LRMDA: variants seen among roughly 807,000 people sequenced by gnomAD.
LRMDA encodes leucine rich melanocyte differentiation associated, also known as leucine-rich melanocyte differentiation-associated protein.
Under a neutral mutation model 29.8 loss-of-function variants are expected in LRMDA, and 18 were observed. The ratio of observed to expected loss-of-function variants is 0.60; its 90% CI spans 0.42 to 0.90. The LOEUF is 0.90. Ranked by LOEUF, LRMDA falls within the 40% of genes least tolerant of loss-of-function variation. LRMDA has a pLI of 0.00. For missense variants in LRMDA, 273 were observed against 273.9 expected (o/e 1.00, Z 0.02); for synonymous variants, 125 against 109.4 (o/e 1.14, Z -0.89).
chr10:76,330,468 C>T (rs921426216), intron 6 of LRMDA, among the ~76,000 whole-genome samples: 8 of 152,154 alleles, frequency 5.3e-5, no homozygotes, highest in African/African-American at 1.9e-4. Context: ...GGACAGAACC[C>T]TCTGAAATGA....
chr10:76,410,763 G>T (rs1841952292), intron 6 of LRMDA, among the ~76,000 whole-genome samples: 3 of 152,170 alleles, frequency 2.0e-5, no homozygotes, highest in African/African-American at 7.2e-5. Context: ...AGACCAGCCT[G>T]GCCAACATGG....
chr10:75,972,086 C>A (rs940135168), intron 2 of LRMDA, among the ~76,000 whole-genome samples: 1 of 152,144 alleles, frequency 6.6e-6, no homozygotes, highest in Non-Finnish European at 1.5e-5. Context: ...TTGGATGTAT[C>A]GCTTCAGCTG....
At chr10:75,767,598 G>A (rs1355085649) in intron 2 of LRMDA, among the ~76,000 whole-genome samples, 8 of 152,114 alleles carry the variant, frequency 5.3e-5, no homozygotes, top group African/African-American at 1.9e-4. Context: ...ATCTGCTAAT[G>A]TAAATTATGC....
chr10:75,910,670 G>A (rs968725865), intron 2 of LRMDA, among the ~76,000 whole-genome samples: 1 of 152,150 alleles, frequency 6.6e-6, no homozygotes, highest in Non-Finnish European at 1.5e-5. Flanking sequence ...GATGTCAGCT[G>A]GGAGCAAAGC....
chr10:76,525,829 T>C (rs189145902), intron 6 of LRMDA, among the ~76,000 whole-genome samples: 6 of 152,310 alleles, frequency 3.9e-5, no homozygotes, highest in African/African-American at 1.4e-4. Context: ...TGTTAGTATG[T>C]AGCAATTCCA....
intron 2 of LRMDA, among the ~76,000 whole-genome samples, chr10:75,609,809 C>A (rs561247184): frequency 6.6e-6 from 1 of 152,208 alleles, no homozygotes; most frequent in East Asian, 1.9e-4. Context: ...TCCACAGTCA[C>A]CCTTTTTGCC....
At chr10:75,611,573 T>C (rs1841032508) in intron 2 of LRMDA, among the ~76,000 whole-genome samples, 1 of 152,140 alleles carries the variant, frequency 6.6e-6, no homozygotes, top group Non-Finnish European at 1.5e-5. Flanking sequence ...ACTTCCTGTC[T>C]CTGTGAGTTT....
intron 5 of LRMDA, among the ~76,000 whole-genome samples, chr10:76,286,646 C>T (rs999802718): frequency 6.6e-6 from 1 of 152,136 alleles, no homozygotes; most frequent in Non-Finnish European, 1.5e-5. Context: ...CCTAGGAAAG[C>T]TTCAAAGATT....
chr10:76,118,653 C>T (rs571494630), intron 5 of LRMDA, among the ~76,000 whole-genome samples: 1 of 152,158 alleles, frequency 6.6e-6, no homozygotes, highest in Admixed American at 6.5e-5. Context: ...GAAGACCATT[C>T]TGTGGCCCCA....
chr10:76,202,490 C>T (rs757463212), intron 5 of LRMDA, among the ~76,000 whole-genome samples: 1 of 152,004 alleles, frequency 6.6e-6, no homozygotes, highest in Non-Finnish European at 1.5e-5. Flanking sequence ...TTTAGAAATG[C>T]ATGCATTTAT....
At chr10:75,732,006 G>A (rs1842705217) in intron 2 of LRMDA, among the ~76,000 whole-genome samples, 1 of 152,044 alleles carries the variant, frequency 6.6e-6, no homozygotes, top group Non-Finnish European at 1.5e-5. Flanking sequence ...TCTTTTTATA[G>A]TGACTAAGTA....
At chr10:76,256,089 G>A (rs1279058591) in intron 5 of LRMDA, among the ~76,000 whole-genome samples, 1 of 152,216 alleles carries the variant, frequency 6.6e-6, no homozygotes, top group Non-Finnish European at 1.5e-5. Context: ...CCTTAAAGGA[G>A]TGTATGATTA....
chr10:76,284,278 C>T (rs751472674), intron 5 of LRMDA, among the ~76,000 whole-genome samples: 31 of 152,088 alleles, frequency 2.0e-4, no homozygotes, highest in Non-Finnish European at 3.2e-4. Context: ...ACAACGGTTC[C>T]GAAGAGGACT....
chr10:75,894,575 C>G (rs949001890), intron 2 of LRMDA, among the ~76,000 whole-genome samples: 22 of 152,134 alleles, frequency 1.4e-4, no homozygotes, highest in African/African-American at 4.8e-4. Flanking sequence ...AGATCTACCC[C>G]CAGTGATTCT....
intron 6 of LRMDA, among the ~76,000 whole-genome samples, chr10:76,505,355 T>C (rs1842948357): frequency 2.0e-5 from 3 of 152,116 alleles, no homozygotes; most frequent in Admixed American, 2.0e-4. Flanking sequence ...CCAGCCTGTC[T>C]AGCAAGATTG....
chr10:76,057,289 A>T (rs79375602), intron 4 of LRMDA, among the ~76,000 whole-genome samples: 111 of 152,274 alleles, frequency 7.3e-4, no homozygotes, highest in African/African-American at 2.6e-3. Flanking sequence ...TTTCTGTTAC[A>T]CTGAGAACAC....
chr10:76,089,789 T>C (rs1044683956), intron 5 of LRMDA, among the ~76,000 whole-genome samples: 6 of 152,140 alleles, frequency 3.9e-5, no homozygotes, highest in East Asian at 3.8e-4. Flanking sequence ...GAGTAGAGAA[T>C]AGGGAACATA....
intron 6 of LRMDA, among the ~76,000 whole-genome samples, chr10:76,424,413 C>T (rs925712226): frequency 6.6e-6 from 1 of 152,106 alleles, no homozygotes; most frequent in Admixed American, 6.5e-5. Flanking sequence ...GTGGCAGGCA[C>T]CTGTAGTCCC....
chr10:75,969,236 A>C (rs1203678370), intron 2 of LRMDA, among the ~76,000 whole-genome samples: 2 of 152,202 alleles, frequency 1.3e-5, no homozygotes, highest in African/African-American at 2.4e-5. Context: ...TCTGGCTCTC[A>C]GCTGCTTCTT....
Sources: gnomAD v4.1 joint callset for allele counts (sites outside exome capture counted in the v4.1 genomes callset) on GRCh38, gnomAD v4.1.1 for gene constraint, MANE v1.5 for transcripts, NCBI Gene and HGNC (gene_info 2026-07-23, HGNC 2026-07-21) for gene names.